RXRG: variants seen among roughly 807,000 people sequenced by gnomAD.
RXRG encodes retinoid X receptor gamma.
RXRG carries 19 observed loss-of-function variants against 49.2 expected under a neutral mutation model. That is an observed-to-expected ratio of 0.39 (90% CI 0.27 to 0.57). RXRG has a LOEUF of 0.57. Among genes scored for constraint, RXRG ranks in the 20% least tolerant of loss-of-function variants. The pLI, the probability that RXRG is intolerant of heterozygous loss-of-function variation, is 0.64. For missense variants in RXRG, 452 were observed against 592.5 expected, an observed-to-expected ratio of 0.76 and a Z score of 2.46; for synonymous variants, 224 against 216.6, an observed-to-expected ratio of 1.03 and a Z score of -0.30.
chr1:165,404,506 C>A (rs1401142034), intron 9 of RXRG, among the ~76,000 whole-genome samples: 1 of 152,224 alleles, frequency 6.6e-6, no homozygotes, highest in East Asian at 1.9e-4. Flanking sequence ...TATGTTCACA[C>A]TGCAAAATAT....
chr1:165,401,452 G>A, intron 9 of RXRG, 42 bp from the exon 10 acceptor site: 2 of 1,610,096 alleles, frequency 1.2e-6, no homozygotes, highest in Non-Finnish European at 1.7e-6. Flanking sequence ...GGACGGGCAG[G>A]CACTGCACAC....
chr1:165,414,628 G>A (rs1658070801), intron 4 of RXRG, among the ~76,000 whole-genome samples: 3 of 152,192 alleles, frequency 2.0e-5, no homozygotes. Context: ...TGACCCTGCA[G>A]TCACTGGACT....
At chr1:165,407,210 C>T (rs1431770808) in intron 8 of RXRG, among the ~76,000 whole-genome samples, 1 of 152,228 alleles carries the variant, frequency 6.6e-6, no homozygotes, top group African/African-American at 2.4e-5. Flanking sequence ...TACCTGCACA[C>T]ATTTACCGAG....
Position 165,428,714 on chromosome 1 carries a change from C to A in RXRG, c.297+5G>T. 5 of 1,584,832 alleles carry A rather than the reference C, an allele frequency of 3.2e-6. No individual in the cohort carries two copies. Among genetic ancestry groups the A allele is most frequent in the Non-Finnish European group, 4.3e-6 (5 of 1,162,296 alleles). ...GGAAAGGCCTTGGAGAGGAAGAACACTTACCTGAGAGCTGGGTGGGGCAAC... is the reference window on the plus strand; with the variant it reads ...GGAAAGGCCTTGGAGAGGAAGAACAATTACCTGAGAGCTGGGTGGGGCAAC... On this transcript the variant is annotated splice_donor_5th_base_variant and intron_variant, in intron 2 of 9. Coordinates refer to ENST00000359842, the MANE Select transcript of RXRG (RefSeq NM_006917.5).
chr1:165,404,788 C>T (rs75270517), intron 9 of RXRG, among the ~76,000 whole-genome samples: 163 of 152,116 alleles, frequency 1.1e-3, no homozygotes, highest in African/African-American at 3.9e-3. Flanking sequence ...GATGGAGTTT[C>T]GCTCTTGTCA....
chr1:165,427,781 T>C (rs1658539050), intron 2 of RXRG, among the ~76,000 whole-genome samples: 1 of 152,182 alleles, frequency 6.6e-6, no homozygotes, highest in African/African-American at 2.4e-5. Context: ...GGAATATCAG[T>C]GGGCACGATT....
chr1:165,421,556 A>T (rs10918178), intron 2 of RXRG, among the ~76,000 whole-genome samples: 43,524 of 136,016 alleles, frequency 0.32, 7,721 homozygotes, highest in Middle Eastern at 0.41. Context: ...CCTTTTTTTG[A>T]GACAGCTGTG....
At chr1:165,435,236 G>A (rs1658788497) in intron 1 of RXRG, among the ~76,000 whole-genome samples, 1 of 152,180 alleles carries the variant, frequency 6.6e-6, no homozygotes. Context: ...TCCAATAAGG[G>A]ATACTCAGCT....
At chr1:165,435,451 G>A (rs2101743049) in intron 1 of RXRG, among the ~76,000 whole-genome samples, 1 of 152,294 alleles carries the variant, frequency 6.6e-6, no homozygotes, top group East Asian at 1.9e-4. Flanking sequence ...AAAGAGCAGG[G>A]CCAGGATCCA....
At chr1:165,442,974 G>A (rs1049684311) in intron 1 of RXRG, among the ~76,000 whole-genome samples, 1 of 152,150 alleles carries the variant, frequency 6.6e-6, no homozygotes, top group Non-Finnish European at 1.5e-5. Context: ...ATAAATTTGA[G>A]TAAGGGCTTT....
chr1:165,434,272 A>ATGTGTGTGTGTGTGTGTGTGTG (rs1491272318), intron 1 of RXRG, among the ~76,000 whole-genome samples: 5 of 66,722 alleles, frequency 7.5e-5, no homozygotes, highest in Admixed American at 4.3e-4. Flanking sequence ...AATGAATTGC[A>ATGTGTGTGTGTGTGTGTGTGTG]TGTGTGTATG....
chr1:165,421,247 G>T (rs1658302302), intron 2 of RXRG, among the ~76,000 whole-genome samples: 1 of 152,110 alleles, frequency 6.6e-6, no homozygotes, highest in Admixed American at 6.5e-5. Flanking sequence ...CACAGCCTTT[G>T]GTGCTTTGTT....
chr1:165,417,932 C>T (rs1279542131), intron 3 of RXRG, among the ~76,000 whole-genome samples: 4 of 151,742 alleles, frequency 2.6e-5, no homozygotes, highest in African/African-American at 9.7e-5. Flanking sequence ...GGTAAAACCT[C>T]GTCTCTGTTA....
chr1:165,414,652 G>A (rs551988055), intron 4 of RXRG, among the ~76,000 whole-genome samples: 2 of 152,300 alleles, frequency 1.3e-5, no homozygotes, highest in African/African-American at 4.8e-5. Context: ...GTTAATGGGA[G>A]AAATACTTGT....
At chr1:165,426,319 A>G (rs1658484982) in intron 2 of RXRG, among the ~76,000 whole-genome samples, 1 of 152,188 alleles carries the variant, frequency 6.6e-6, no homozygotes, top group Admixed American at 6.5e-5. Flanking sequence ...GAATGCTTTA[A>G]AAGTCTTTGA....
chr1:165,439,745 C>T (rs1407781567), intron 1 of RXRG, among the ~76,000 whole-genome samples: 1 of 152,234 alleles, frequency 6.6e-6, no homozygotes, highest in Admixed American at 6.5e-5. Flanking sequence ...AATTTAATGT[C>T]TAACATCTTG....
At chr1:165,406,364 A>G (rs1182585569) in intron 9 of RXRG, among the ~76,000 whole-genome samples, 1 of 152,178 alleles carries the variant, frequency 6.6e-6, no homozygotes, top group Non-Finnish European at 1.5e-5. Context: ...GGGGGTTTCT[A>G]TGGGGGCAGA....
At chr1:165,420,474 G>A (rs900008795) in intron 2 of RXRG, among the ~76,000 whole-genome samples, 30 of 152,172 alleles carry the variant, frequency 2.0e-4, no homozygotes, top group African/African-American at 6.5e-4. Flanking sequence ...TCATTCATTA[G>A]TCAATCAACA....
At chr1:165,417,322 C>T (rs1374095208) in intron 3 of RXRG, 102 bp from the exon 4 acceptor site, 2 of 1,133,936 alleles carry the variant, frequency 1.8e-6, no homozygotes, top group Non-Finnish European at 2.5e-6. Context: ...ACAGGCATAT[C>T]ACTTGGGCAT....
Sources: gnomAD v4.1 joint callset for allele counts (sites outside exome capture counted in the v4.1 genomes callset) on GRCh38, gnomAD v4.1.1 for gene constraint, MANE v1.5 for transcripts, NCBI Gene and HGNC (gene_info 2026-07-23, HGNC 2026-07-21) for gene names.